Variants in RBFOX1 observed in about 807,000 individuals in gnomAD.
RBFOX1 encodes the protein RNA binding fox-1 homolog 1, also known as RNA binding protein fox-1 homolog 1.
RBFOX1 carries 8 observed loss-of-function variants against 57.7 expected under a neutral mutation model. That is an observed-to-expected ratio of 0.14 (90% CI 0.08 to 0.25). The LOEUF is 0.25. Ranked by LOEUF, RBFOX1 falls within the 10% of genes least tolerant of loss-of-function variation. The probability of loss-of-function intolerance (pLI) is 1.00; values close to 1 mark genes in which losing one functional copy is unlikely to be tolerated. For missense variants in RBFOX1, 611 were observed against 548.5 expected, an observed-to-expected ratio of 1.11 and a Z score of -1.14; for synonymous variants, 326 against 222.4, an observed-to-expected ratio of 1.47 and a Z score of -4.15.
At chr16:7,132,164 G>T (rs989750817) in intron 4 of RBFOX1, among the ~76,000 whole-genome samples, 1 of 151,828 alleles carries the variant, frequency 6.6e-6, no homozygotes, top group Non-Finnish European at 1.5e-5. Flanking sequence ...TATTGTTAAT[G>T]GAGATGGGGT....
intron 7 of RBFOX1, among the ~76,000 whole-genome samples, chr16:7,588,053 C>A (rs2094222939): frequency 6.6e-6 from 1 of 152,160 alleles, no homozygotes. Flanking sequence ...GTGGCATGTG[C>A]CTGTAATTCC....
At chr16:6,629,825 C>G (rs984376466) in intron 2 of RBFOX1, among the ~76,000 whole-genome samples, 6 of 152,110 alleles carry the variant, frequency 3.9e-5, no homozygotes, top group Non-Finnish European at 8.8e-5. Context: ...TCCTTTTAAT[C>G]AGACGTTTTA....
At chr16:5,558,941 G>T (rs1274066544) in intron 2 of RBFOX1, among the ~76,000 whole-genome samples, 1 of 152,110 alleles carries the variant, frequency 6.6e-6, no homozygotes, top group Admixed American at 6.5e-5. Flanking sequence ...CACAAGCCTT[G>T]AGCTAGATGT....
intron 3 of RBFOX1, among the ~76,000 whole-genome samples, chr16:5,785,840 C>G (rs11861310): frequency 6.6e-6 from 1 of 151,904 alleles, no homozygotes; most frequent in South Asian, 2.1e-4. Flanking sequence ...ATGTCTGCAA[C>G]TTCCTGAAAA....
intron 4 of RBFOX1, among the ~76,000 whole-genome samples, chr16:7,243,006 T>C (rs1433729340): frequency 6.6e-6 from 1 of 152,196 alleles, no homozygotes; most frequent in Non-Finnish European, 1.5e-5. Context: ...TTTTGTTACT[T>C]GGATTTTCAG....
intron 3 of RBFOX1, among the ~76,000 whole-genome samples, chr16:6,988,191 G>A (rs1172488376): frequency 6.6e-6 from 1 of 152,146 alleles, no homozygotes; most frequent in Non-Finnish European, 1.5e-5. Context: ...TGTCCTAATG[G>A]TAAATCTCCC....
intron 4 of RBFOX1, among the ~76,000 whole-genome samples, chr16:7,492,882 C>T (rs2067374222): frequency 6.6e-6 from 1 of 152,072 alleles, no homozygotes; most frequent in South Asian, 2.1e-4. Context: ...CTGGCACCAA[C>T]CATGAGCTAA....
At chr16:5,739,755 G>T (rs1249140749) in intron 3 of RBFOX1, among the ~76,000 whole-genome samples, 1 of 152,258 alleles carries the variant, frequency 6.6e-6, no homozygotes, top group African/African-American at 2.4e-5. Context: ...GAAGCAGAGA[G>T]CAGGGAAAAC....
chr16:6,942,954 C>T (rs2078820060), intron 3 of RBFOX1, among the ~76,000 whole-genome samples: 1 of 152,170 alleles, frequency 6.6e-6, no homozygotes, highest in African/African-American at 2.4e-5. Flanking sequence ...TCACCATGTG[C>T]TTTTGTGACT....
intron 4 of RBFOX1, among the ~76,000 whole-genome samples, chr16:7,476,099 G>A (rs1009487412): frequency 1.3e-5 from 2 of 152,082 alleles, no homozygotes; most frequent in Non-Finnish European, 1.5e-5. Flanking sequence ...CTGAGTAGCT[G>A]GGACCACTAG....
At chr16:7,493,669 G>T (rs566422030) in intron 4 of RBFOX1, among the ~76,000 whole-genome samples, 1 of 152,170 alleles carries the variant, frequency 6.6e-6, no homozygotes, top group Non-Finnish European at 1.5e-5. Flanking sequence ...ACAAGGTAAG[G>T]AATTAAGGTG....
At chr16:7,202,268 C>G (rs1037269192) in intron 4 of RBFOX1, among the ~76,000 whole-genome samples, 8 of 149,488 alleles carry the variant, frequency 5.4e-5, no homozygotes, top group African/African-American at 1.7e-4. Flanking sequence ...CAATGAGATA[C>G]CACCTCACAC....
intron 1 of RBFOX1, among the ~76,000 whole-genome samples, chr16:6,150,892 T>G (rs147132915): frequency 7.9e-5 from 12 of 152,316 alleles, no homozygotes; most frequent in African/African-American, 2.9e-4. Context: ...GCTGAATTAT[T>G]TACATTTTCC....
At position 5,947,780 on chromosome 16, in the gene RBFOX1, C is replaced by T. The variant is rs1038080104; in HGVS notation, c.351+80445C>T. Among the ~76,000 whole-genome samples, 1 of 152,184 alleles carries T rather than the reference C, an allele frequency of 6.6e-6. No homozygotes were observed. The highest frequency in any genetic ancestry group is 2.4e-5 in the African/African-American group (1 of 41,436). Reference sequence around the variant, plus strand: ...GTCTCCACCTAACAGTGCAAGGATACAGCTGCCCTTGGTATTCTTCATGGT... The same window carrying T: ...GTCTCCACCTAACAGTGCAAGGATATAGCTGCCCTTGGTATTCTTCATGGT... On this transcript the variant is annotated intron_variant, in intron 4 of 19. Transcript: ENST00000641259. The surrounding 1 kb of genome is among the most constrained non-coding windows in gnomAD (Gnocchi z 7.2).
At chr16:7,485,129 A>C (rs1369214937) in intron 4 of RBFOX1, among the ~76,000 whole-genome samples, 3 of 152,030 alleles carry the variant, frequency 2.0e-5, no homozygotes, top group Admixed American at 6.6e-5. Context: ...CTCAGGTAGG[A>C]AGTTGTTTCC....
chr16:7,408,478 C>T (rs114805289), intron 4 of RBFOX1, among the ~76,000 whole-genome samples: 15 of 152,274 alleles, frequency 9.9e-5, no homozygotes, highest in South Asian at 2.1e-4. Context: ...TAAATTATAA[C>T]GTCTGTTTGA....
At chr16:6,262,040 A>G (rs2097704706) in intron 1 of RBFOX1, among the ~76,000 whole-genome samples, 1 of 152,074 alleles carries the variant, frequency 6.6e-6, no homozygotes, top group Non-Finnish European at 1.5e-5. Flanking sequence ...GAAAAACAAA[A>G]AAAAAAGAAA....
intron 12 of RBFOX1, among the ~76,000 whole-genome samples, chr16:7,662,454 CCTT>C (rs1181810145): frequency 6.6e-6 from 1 of 152,176 alleles, no homozygotes; most frequent in African/African-American, 2.4e-5. Flanking sequence ...GACTCAATCT[CCTT>C]CTGACGCCTT....
chr16:6,812,991 T>A lies in RBFOX1; in HGVS notation c.-16+158341T>A, dbSNP rs1022133554. Among the ~76,000 whole-genome samples, 5 of 152,170 alleles carry A rather than the reference T, an allele frequency of 3.3e-5. No homozygotes were observed. The East Asian group carries it at 7.7e-4, about 23-fold the overall frequency. The stretch of plus-strand genomic sequence containing the variant: ...TGTTTAAATTCCCTACTTCTCTCTT[T>A]TTTGTTAGATTTTTAAATAAAACTT... On this transcript the variant is annotated intron_variant, in intron 3 of 15. Coordinates refer to ENST00000550418, the MANE Select transcript of RBFOX1 (RefSeq NM_018723.4).
Sources: allele counts gnomAD v4.1 joint callset (sites outside exome capture counted in the v4.1 genomes callset), GRCh38; gene constraint gnomAD v4.1.1; non-coding constraint Gnocchi (gnomAD v3.1); transcripts MANE v1.5; gene names NCBI Gene and HGNC (gene_info 2026-07-23, HGNC 2026-07-21).